PTPRK: variants seen among roughly 807,000 people sequenced by gnomAD.
PTPRK encodes the protein protein tyrosine phosphatase receptor type K.
A neutral mutation model predicts 178.0 loss-of-function variants in PTPRK; 75 were observed. The ratio of observed to expected loss-of-function variants is 0.42; its 90% CI spans 0.35 to 0.51. The LOEUF is 0.51. Among genes scored for constraint, PTPRK ranks in the 20% least tolerant of loss-of-function variants. PTPRK has a pLI of 0.02. For missense variants in PTPRK, 1,441 were observed against 1,797.8 expected (o/e 0.80, Z 3.59); for synonymous variants, 637 against 620.6 (o/e 1.03, Z -0.39).
chr6:128,449,130 G>A (rs1455687021), intron 1 of PTPRK, among the ~76,000 whole-genome samples: 1 of 152,050 alleles, frequency 6.6e-6, no homozygotes, highest in Non-Finnish European at 1.5e-5. Flanking sequence ...AAAGTGCTGG[G>A]ATTACAGGCA....
intron 7 of PTPRK, among the ~76,000 whole-genome samples, chr6:128,098,194 C>T (rs995174567): frequency 6.6e-6 from 1 of 151,946 alleles, no homozygotes; most frequent in African/African-American, 2.4e-5. Flanking sequence ...GAAAATGAAA[C>T]CTAAAAACCC....
At chr6:128,379,192 T>C (rs1332997390) in intron 2 of PTPRK, among the ~76,000 whole-genome samples, 4 of 152,122 alleles carry the variant, frequency 2.6e-5, no homozygotes, top group Non-Finnish European at 4.4e-5. Flanking sequence ...TCCAGTTTAC[T>C]GGTTCTTCCT....
intron 7 of PTPRK, among the ~76,000 whole-genome samples, chr6:128,104,847 G>T (rs540836811): frequency 3.9e-5 from 6 of 152,248 alleles, no homozygotes. Context: ...TAACAAAAAT[G>T]TCAAATTACT....
At chr6:128,215,214 T>G (rs534259899) in intron 6 of PTPRK, among the ~76,000 whole-genome samples, 17 of 152,346 alleles carry the variant, frequency 1.1e-4, no homozygotes, top group African/African-American at 4.1e-4. Flanking sequence ...ATAGAAGTTT[T>G]ACTTAGGTCA....
intron 7 of PTPRK, among the ~76,000 whole-genome samples, chr6:128,182,279 T>G (rs1802033113): frequency 6.6e-6 from 1 of 152,028 alleles, no homozygotes; most frequent in Non-Finnish European, 1.5e-5. Flanking sequence ...ATTTATAAGT[T>G]AGAAAGCAGC....
Position 127,968,890 on chromosome 6 carries a change from A to G in PTPRK, c.*1337T>C, listed in dbSNP as rs1287288324. Reference sequence around the variant, plus strand: ...AGAGGACACTGGAATGCTTTAGTCAATTACAAACTGCAAGCTGATGATGTG... The same window carrying G: ...AGAGGACACTGGAATGCTTTAGTCAGTTACAAACTGCAAGCTGATGATGTG... On this transcript the variant is annotated 3_prime_UTR_variant, in exon 30 of 30. Coordinates refer to ENST00000368226, the MANE Select transcript of PTPRK (RefSeq NM_002844.4). The G allele has an allele frequency of 6.6e-6, 1 of 152,244 alleles. No individual in the cohort carries two copies. The highest frequency in any genetic ancestry group is 1.5e-5 in the Non-Finnish European group (1 of 68,034). The allele number at this position is 152,244 out of a possible 1,614,324, so 9.4% of individuals were successfully genotyped here. A position where few individuals can be genotyped will look rare whatever the true frequency, so the allele number is the denominator to read the frequency against.
intron 5 of PTPRK, among the ~76,000 whole-genome samples, chr6:128,229,508 C>T (rs77460189): frequency 0.032 from 4,936 of 152,162 alleles, 273 homozygotes; most frequent in African/African-American, 0.11. Flanking sequence ...GAACCTGCAT[C>T]GTTATCTTGA....
intron 11 of PTPRK, among the ~76,000 whole-genome samples, chr6:128,078,419 T>A (rs1278117553): frequency 6.6e-6 from 1 of 152,050 alleles, no homozygotes; most frequent in Non-Finnish European, 1.5e-5. Context: ...GGCTCCTTTT[T>A]CTTTAACTCT....
At position 128,064,711 on chromosome 6, in the gene PTPRK, A is replaced by C. The variant is rs765843878; in HGVS notation, c.2194+47T>G. ...GGGAACAAAGTCCTTCCATTTTAGA[A>C]AGGGGGTGAGAGTAGTTAAAACAAG... On this transcript the variant is annotated intron_variant, in intron 13 of 29. Transcript: ENST00000368226. The C allele has an allele frequency of 1.2e-5, 18 of 1,558,156 alleles. No individual in the cohort carries two copies. The South Asian group carries it at 2.1e-4, about 18-fold the overall frequency.
chr6:128,515,461 AG>A (rs1471591807), intron 1 of PTPRK, among the ~76,000 whole-genome samples: 1 of 152,134 alleles, frequency 6.6e-6, no homozygotes, highest in African/African-American at 2.4e-5. Context: ...CAACCTTTTT[AG>A]GCAAAAAGAA....
chr6:128,164,152 C>T (rs1376676101), intron 7 of PTPRK, among the ~76,000 whole-genome samples: 1 of 151,396 alleles, frequency 6.6e-6, no homozygotes, highest in Non-Finnish European at 1.5e-5. Flanking sequence ...GAAACTATTA[C>T]ATAGCAACTA....
intron 13 of PTPRK, among the ~76,000 whole-genome samples, chr6:128,039,070 T>G (rs1290637988): frequency 6.6e-6 from 1 of 152,194 alleles, no homozygotes; most frequent in Admixed American, 6.5e-5. Flanking sequence ...TTATTTAAAA[T>G]GTATACATAT....
At chr6:128,091,422 AAC>A (rs1239930297) in intron 7 of PTPRK, among the ~76,000 whole-genome samples, 1 of 152,182 alleles carries the variant, frequency 6.6e-6, no homozygotes, top group African/African-American at 2.4e-5. Context: ...TTAGACCGAA[AAC>A]ACAGTCTTTG....
chr6:128,100,948 TCTA>T (rs1788672764), intron 7 of PTPRK, among the ~76,000 whole-genome samples: 1 of 151,988 alleles, frequency 6.6e-6, no homozygotes, highest in East Asian at 1.9e-4. Context: ...TCTATTAAAA[TCTA>T]CTACTATTTT....
chr6:128,209,242 T>A (rs1198117611), intron 6 of PTPRK, among the ~76,000 whole-genome samples: 2 of 152,114 alleles, frequency 1.3e-5, no homozygotes, highest in Non-Finnish European at 2.9e-5. Context: ...TCCTAAAGGT[T>A]CCCAAATTAA....
intron 2 of PTPRK, among the ~76,000 whole-genome samples, chr6:128,353,614 A>C (rs970466108): frequency 2.0e-5 from 3 of 152,256 alleles, no homozygotes; most frequent in African/African-American, 7.2e-5. Context: ...TAGTACATAC[A>C]TACCATATAC....
chr6:128,222,926 C>T (rs2128274517), intron 5 of PTPRK, among the ~76,000 whole-genome samples: 1 of 152,242 alleles, frequency 6.6e-6, no homozygotes, highest in South Asian at 2.1e-4. Context: ...GTATCTAGCT[C>T]CTTCCCCTCT....
intron 1 of PTPRK, among the ~76,000 whole-genome samples, chr6:128,435,802 C>A (rs1411366336): frequency 6.6e-6 from 1 of 152,114 alleles, no homozygotes; most frequent in Non-Finnish European, 1.5e-5. Flanking sequence ...AAAGCCCCAA[C>A]TCAAAAATTA....
At chr6:128,404,982 A>T (rs1584554554) in intron 1 of PTPRK, among the ~76,000 whole-genome samples, 1 of 152,296 alleles carries the variant, frequency 6.6e-6, no homozygotes, top group Non-Finnish European at 1.5e-5. Flanking sequence ...CCTCAAGAGA[A>T]GGTATTCCCC....
Sources: allele counts gnomAD v4.1 joint callset (sites outside exome capture counted in the v4.1 genomes callset), GRCh38; gene constraint gnomAD v4.1.1; transcripts MANE v1.5; gene names NCBI Gene and HGNC (gene_info 2026-07-23, HGNC 2026-07-21).